Variants in TM9SF1 observed in about 807,000 individuals in gnomAD.
The protein encoded by TM9SF1 is transmembrane 9 superfamily member 1.
TM9SF1 carries 25 observed loss-of-function variants against 52.4 expected under a neutral mutation model. That is an observed-to-expected ratio of 0.48 (90% confidence interval 0.35 to 0.67). The LOEUF (loss-of-function observed/expected upper bound fraction) is 0.67, where lower values mean the gene tolerates loss of function less well. Ranked by LOEUF, TM9SF1 falls within the 30% of genes least tolerant of loss-of-function variation. The pLI is 0.01. For missense variants in TM9SF1, 604 were observed against 780.3 expected (o/e 0.77, Z 2.69); for synonymous variants, 284 against 299.8 (o/e 0.95, Z 0.55).
chr14:24,190,864 T>G (rs1235392652), intron 4 of TM9SF1, among the ~76,000 whole-genome samples: 2 of 134,404 alleles, frequency 1.5e-5, no homozygotes, highest in Admixed American at 7.4e-5. Context: ...TTTTTTTTTT[T>G]TTTTTTTTTT....
At chr14:24,190,678 A>G in intron 4 of TM9SF1, 25 bp from the exon 5 acceptor site, 1 of 1,589,152 alleles carries the variant, frequency 6.3e-7, no homozygotes, top group Non-Finnish European at 8.6e-7. Flanking sequence ...CCCCGGAGGG[A>G]GGGTCAACAC....
Position 24,193,274 on chromosome 14 carries a change from A to C in TM9SF1, c.346-5T>G. ...GGCCTGGCGCAGCTGCTCCACCTAT[A>C]AAGAGCAAGTCAGGAGTTGGTCACA... On this transcript the variant is annotated splice_polypyrimidine_tract_variant and splice_region_variant and intron_variant, in intron 2 of 5. Coordinates refer to ENST00000261789, the MANE Select transcript of TM9SF1 (RefSeq NM_006405.7). 1 of 1,587,442 alleles carries C rather than the reference A, an allele frequency of 6.3e-7. No individual in the cohort carries two copies.
Position 24,190,541 on chromosome 14 carries a change from C to T in TM9SF1, c.1266G>A (p.Val422=). 1.9e-6 allele frequency: 3 copies of T among 1,614,120 alleles called. No homozygotes were observed. The South Asian group carries it at 3.3e-5, about 18-fold the overall frequency. Residue 422 remains valine (V), a synonymous_variant, in exon 5 of 6, where the codon GTG becomes GTA. Transcript: ENST00000261789. The part of the protein sequence containing the change: ...ILLLLTVWLL[V]GFPLTVIGGI... ...CTCCAATGACAGTGAGGGGAAAGCC[C>T]ACCAGCAGCCAAACCGTCAGAAGCA...
chr14:24,191,364 T>G (rs144790469), intron 4 of TM9SF1, among the ~76,000 whole-genome samples: 1 of 152,314 alleles, frequency 6.6e-6, no homozygotes, highest in East Asian at 1.9e-4. Context: ...AATATAAATG[T>G]GATGGGATAA....
In TM9SF1 at chr14:24,190,407, A is replaced by G. The variant is rs1335995879; in HGVS notation, c.1400T>C (p.Met467Thr). The part of the protein sequence containing the change: ...QPWYKSTVIH[M>T]TVGGFLPFSA... Reference sequence around the variant, plus strand: ...GAAAGGCAGGAAGCCTCCAACAGTCATGTGGATGACAGTAGACTTGTACCA... The same window carrying G: ...GAAAGGCAGGAAGCCTCCAACAGTCGTGTGGATGACAGTAGACTTGTACCA... Residue 467 changes from methionine (M) to threonine (T), a missense_variant, in exon 5 of 6, where the codon ATG becomes ACG. By Grantham distance (81) the Met-to-Thr change is moderately conservative (BLOSUM62 -1). Around this residue, in one of 3 missense-constraint regions of TM9SF1, gnomAD observed 107 missense variants for 180.5 expected, o/e 0.59. Transcript: ENST00000261789. 6.2e-7 allele frequency: 1 copy of G among 1,600,168 alleles called. No homozygotes were observed. Among genetic ancestry groups the G allele is most frequent in the Non-Finnish European group, 8.5e-7 (1 of 1,171,168 alleles).
intron 5 of TM9SF1, 91 bp downstream of exon 5, chr14:24,190,289 A>G (rs765493866): frequency 3.3e-6 from 5 of 1,511,846 alleles, no homozygotes; most frequent in East Asian, 4.6e-5. Flanking sequence ...CCAGGGATCA[A>G]CGGGTTGGGT....
chr14:24,193,114 T>C lies in TM9SF1; in HGVS notation c.501A>G (p.Leu167=). ...IGLWTHLDFH[L]EFHGDRIIFA... ...ATATAATTCGGTCTCCATGGAATTCTAGGTGGAAGTCCAAATGGGTCCAGA... is the reference window on the plus strand; with the variant it reads ...ATATAATTCGGTCTCCATGGAATTCCAGGTGGAAGTCCAAATGGGTCCAGA... The change falls in exon 3 of 6, where the codon CTA becomes CTG. Residue 167 remains leucine, a synonymous_variant. Coordinates refer to ENST00000261789, the MANE Select transcript of TM9SF1 (RefSeq NM_006405.7). 1 of 1,614,234 alleles carries C rather than the reference T, an allele frequency of 6.2e-7. No homozygotes were observed. Among genetic ancestry groups the C allele is most frequent in the Non-Finnish European group, 8.5e-7 (1 of 1,180,034 alleles).
At position 24,192,488 on chromosome 14, in the gene TM9SF1, G is replaced by A; in HGVS notation, c.968-132C>T. On this transcript the variant is annotated intron_variant, in intron 3 of 5. Transcript: ENST00000261789. This position sits in a 1 kb window ranked among gnomAD's most constrained non-coding sequence, Gnocchi z 4.0. ...CAATCTCCCCCAGTTTTGCTATCCA[G>A]AAAATCTACAATAGAATACGTGCAT... 3 of 1,388,506 alleles carry A rather than the reference G, an allele frequency of 2.2e-6. No homozygotes were observed. Among genetic ancestry groups the A allele is most frequent in the South Asian group, 1.3e-5 (1 of 74,774 alleles). The allele number at this position is 1,388,506 out of a possible 1,614,324, so 86.0% of individuals were successfully genotyped here. A position where few individuals can be genotyped will look rare whatever the true frequency, so the allele number is the denominator to read the frequency against.
intron 1 of TM9SF1, 23 bp downstream of exon 1, chr14:24,195,323 C>T (rs886533101): frequency 1.4e-5 from 5 of 348,542 alleles, no homozygotes; most frequent in Middle Eastern, 8.1e-4. Flanking sequence ...GGTCCCTTCC[C>T]GCCACAGCCC....
chr14:24,195,221 G>A, intron 1 of TM9SF1, 125 bp downstream of exon 1: 1 of 582,706 alleles, frequency 1.7e-6, no homozygotes, highest in African/African-American at 1.9e-5. Flanking sequence ...TCCCAACCTG[G>A]GGTTCACCCC....
chr14:24,191,911 G>A (rs529920158), intron 4 of TM9SF1: 4 of 395,872 alleles, frequency 1.0e-5, no homozygotes, highest in Non-Finnish European at 1.9e-5. Flanking sequence ...TGGCTCCCCA[G>A]GCTCAAGCAA....
In TM9SF1 at chr14:24,192,345, T is replaced by C. The variant is rs779358284; in HGVS notation, c.979A>G (p.Met327Val). 1.1e-4 allele frequency: 184 copies of C among 1,613,558 alleles called. No homozygotes were observed. The highest frequency in any genetic ancestry group is 1.5e-4 in the Non-Finnish European group (172 of 1,179,906). ...FLALGTGIIV[M>V]ALLGMFNVHR... ...ACATTGAACATGCCCAGCAGTGCCA[T>C]GACAATAATGCCTGCAGGACGGTAG... The change falls in exon 4 of 6, where the codon ATG becomes GTG. Residue 327 changes from methionine to valine, a missense_variant. Met to Val is a conservative substitution (Grantham distance 21, BLOSUM62 1). Transcript: ENST00000261789. The surrounding 1 kb of genome is among the most constrained non-coding windows in gnomAD (Gnocchi z 4.0).
chr14:24,189,673 G>A lies in TM9SF1; in HGVS notation c.1563C>T (p.Tyr521=). The A allele has an allele frequency of 1.2e-6, 2 of 1,614,240 alleles. No homozygotes were observed. The highest frequency in any genetic ancestry group is 1.7e-6 in the Non-Finnish European group (2 of 1,180,038). Residue 521 remains tyrosine, a synonymous_variant, in exon 6 of 6, where the codon TAC becomes TAT. Transcript: ENST00000261789. Reference sequence around the variant, plus strand: ...GGTAATCCTCCCCAGACAACTGGAAGTAGGTGAGTGCAATGGAGATGCAAG... The same window carrying A: ...GGTAATCCTCCCCAGACAACTGGAAATAGGTGAGTGCAATGGAGATGCAAG... ...VGACISIALT[Y]FQLSGEDYRW...
rs1261168110 is a variant in TM9SF1, at chr14:24,190,614, T to C, written c.1193A>G (p.His398Arg). 6.2e-7 allele frequency: 1 copy of C among 1,613,954 alleles called. No individual in the cohort carries two copies. Residue 398 changes from histidine to arginine, a missense_variant, in exon 5 of 6, where the codon CAT (histidine) becomes CGT (arginine). Around this residue, in one of 3 missense-constraint regions of TM9SF1, gnomAD observed 450 missense variants for 560.1 expected, o/e 0.80. Transcript: ENST00000261789. The part of the protein sequence containing the change: ...FLTWSVVNSV[H>R]WANGSTQALP... ...AGCCTGTGTCGAACCATTGGCCCAA[T>C]GCACTGAGTTCACCACACTCCACGT...
chr14:24,191,814 C>CTTT (rs540154238), intron 4 of TM9SF1: 4 of 170,436 alleles, frequency 2.3e-5, no homozygotes, highest in Non-Finnish European at 5.0e-5. Context: ...ATGATGTGTT[C>CTTT]TTTTTTTTTT....
intron 5 of TM9SF1, 174 bp downstream of exon 5, chr14:24,190,206 T>A (rs901658601): frequency 7.4e-7 from 1 of 1,351,856 alleles, no homozygotes. Flanking sequence ...TGAGACACTC[T>A]CATATCATTC....
In TM9SF1 at chr14:24,192,017, G is replaced by C; in HGVS notation, c.1153+154C>G. 5.4e-6 allele frequency: 4 copies of C among 747,298 alleles called. No individual in the cohort carries two copies. Among genetic ancestry groups the C allele is most frequent in the Non-Finnish European group, 9.3e-6 (4 of 431,152 alleles). The allele number at this position is 747,298 out of a possible 1,614,324, so 46.3% of individuals were successfully genotyped here. On this transcript the variant is annotated intron_variant, in intron 4 of 5. Transcript: ENST00000261789. This position sits in a 1 kb window ranked among gnomAD's most constrained non-coding sequence, Gnocchi z 4.0. ...TATAGAGAGAGGGTCTCACTATGTT[G>C]TCTAGGCTTGTCTCAAACTTTTGGG...
In TM9SF1 at chr14:24,189,693, T is replaced by C. The variant is rs2039286993; in HGVS notation, c.1543A>G (p.Ile515Val). 1.2e-6 allele frequency: 2 copies of C among 1,614,102 alleles called. No homozygotes were observed. The highest frequency in any genetic ancestry group is 1.7e-6 in the Non-Finnish European group (2 of 1,179,990). ...TGGAAGTAGGTGAGTGCAATGGAGA[T>C]GCAAGCCCCCACACTCAGCAGGATG... ...FAILLSVGAC[I>V]SIALTYFQLS... is the part of the protein sequence containing the mutation. Residue 515 changes from isoleucine (I) to valine (V), a missense_variant, in exon 6 of 6, where the codon ATC (isoleucine) becomes GTC (valine). Coordinates refer to ENST00000261789, the MANE Select transcript of TM9SF1 (RefSeq NM_006405.7).
At position 24,192,064 on chromosome 14, in the gene TM9SF1, G is replaced by T; in HGVS notation, c.1153+107C>A. 8.7e-7 allele frequency: 1 copy of T among 1,153,528 alleles called. No homozygotes were observed. The allele number at this position is 1,153,528 out of a possible 1,614,324, so 71.5% of individuals were successfully genotyped here. On this transcript the variant is annotated intron_variant, in intron 4 of 5. Transcript: ENST00000261789. This position sits in a 1 kb window ranked among gnomAD's most constrained non-coding sequence, Gnocchi z 4.0. ...TGGGCTCAAGTGATCCTCCGGCCTCGGTCTCCCAAAGTGCTAGGATTACAG... is the reference window on the plus strand; with the variant it reads ...TGGGCTCAAGTGATCCTCCGGCCTCTGTCTCCCAAAGTGCTAGGATTACAG...
Sources: gnomAD v4.1 joint callset for allele counts (sites outside exome capture counted in the v4.1 genomes callset) on GRCh38, gnomAD v4.1.1 for gene constraint, gnomAD v4.1.1 regional missense constraint, Gnocchi (gnomAD v3.1) non-coding constraint, MANE v1.5 for transcripts, NCBI Gene and HGNC (gene_info 2026-07-23, HGNC 2026-07-21) for gene names.